The following EEF1AKMT2 variants were observed in gnomAD, a reference collection of about 807,000 sequenced individuals.
EEF1AKMT2 encodes eukaryotic translation elongation factor 1 alpha lysine methyltransferase 2.
In EEF1AKMT2, 32 loss-of-function variants were observed where a neutral mutation model predicts 35.8. That is an observed-to-expected ratio of 0.89 (90% confidence interval 0.67 to 1.20). EEF1AKMT2 has a LOEUF of 1.20. Ranked by LOEUF, EEF1AKMT2 falls within the 50% of genes most tolerant of loss-of-function variation. The probability of loss-of-function intolerance (pLI) is 0.00; values close to 1 mark genes in which losing one functional copy is unlikely to be tolerated. For missense variants in EEF1AKMT2, 330 were observed against 347.5 expected, an observed-to-expected ratio of 0.95 and a Z score of 0.40; for synonymous variants, 121 against 133.7, an observed-to-expected ratio of 0.91 and a Z score of 0.65.
intron 4 of EEF1AKMT2, among the ~76,000 whole-genome samples, chr10:124,767,829 T>C (rs896239079): frequency 1.3e-5 from 2 of 151,134 alleles, no homozygotes; most frequent in African/African-American, 4.9e-5. Flanking sequence ...CTACTAAAAA[T>C]ACAAAAATTA....
chr10:124,774,362 G>A (rs1482354274), intron 4 of EEF1AKMT2, among the ~76,000 whole-genome samples: 16 of 98,702 alleles, frequency 1.6e-4, no homozygotes, highest in East Asian at 3.5e-4. Flanking sequence ...GCAACTGAGC[G>A]AGACTCAGTC....
At position 124,760,267 on chromosome 10, in the gene EEF1AKMT2, C is replaced by A; in HGVS notation, c.*236G>T. Reference sequence around the variant, plus strand: ...CTTAGATGCTCATTATTATTATTTTCTTTCACCAATCCAGTATACTCTATT... The same window carrying A: ...CTTAGATGCTCATTATTATTATTTTATTTCACCAATCCAGTATACTCTATT... On this transcript the variant is annotated 3_prime_UTR_variant, in exon 7 of 7. Transcript: ENST00000368836. 1 of 454,746 alleles carries A rather than the reference C, an allele frequency of 2.2e-6. No homozygotes were observed. Among genetic ancestry groups the A allele is most frequent in the South Asian group, 6.8e-5 (1 of 14,678 alleles). 28.2% of individuals were successfully genotyped at this position (454,746 alleles called of 1,614,324 possible).
chr10:124,779,545 G>A (rs1342896795), intron 3 of EEF1AKMT2, among the ~76,000 whole-genome samples: 1 of 151,374 alleles, frequency 6.6e-6, no homozygotes, highest in East Asian at 2.0e-4. Flanking sequence ...AGGAGATCGA[G>A]ACCATCCTGG....
chr10:124,783,002 A>C (rs1242699788), intron 3 of EEF1AKMT2: 2 of 419,262 alleles, frequency 4.8e-6, no homozygotes, highest in Admixed American at 3.1e-5. Flanking sequence ...TATAATAATA[A>C]GGTAAGTTAA....
At chr10:124,768,535 G>A (rs544834172) in intron 4 of EEF1AKMT2, among the ~76,000 whole-genome samples, 40 of 152,118 alleles carry the variant, frequency 2.6e-4, no homozygotes, top group African/African-American at 8.0e-4. Flanking sequence ...ACCTTAGGTC[G>A]TGAGTTCAAG....
At position 124,764,881 on chromosome 10, in the gene EEF1AKMT2, C is replaced by T. The variant is rs533474004; in HGVS notation, c.616+511G>A. On this transcript the variant is annotated intron_variant, in intron 5 of 6. Transcript: ENST00000368836. ...TATATACCTTAAATAAAAGATTGTA[C>T]GACTCAAATAGAGAACTTAAGTTTT... is the stretch of plus-strand genomic sequence containing the variant. 9.9e-5 allele frequency among the ~76,000 whole-genome samples: 15 copies of T among 152,218 alleles called. No homozygotes were observed. In the South Asian group the frequency reaches 2.9e-3, roughly 29 times the overall value.
At chr10:124,771,244 C>T (rs1344015755) in intron 4 of EEF1AKMT2, among the ~76,000 whole-genome samples, 10 of 151,980 alleles carry the variant, frequency 6.6e-5, no homozygotes, top group Non-Finnish European at 1.5e-4. Context: ...AGACTACAGG[C>T]ACCTGCCACC....
chr10:124,772,319 G>C (rs1184225879), intron 4 of EEF1AKMT2, among the ~76,000 whole-genome samples: 1 of 151,606 alleles, frequency 6.6e-6, no homozygotes, highest in African/African-American at 2.4e-5. Context: ...CAGCTTCACT[G>C]GTTATTTCCT....
chr10:124,758,518 A>G lies in EEF1AKMT2; in HGVS notation c.*1985T>C, dbSNP rs973675722. 6 of 152,066 alleles carry G rather than the reference A, an allele frequency of 3.9e-5. No homozygotes were observed. The highest frequency in any genetic ancestry group is 1.3e-4 in the Admixed American group (2 of 15,276). The allele number at this position is 152,066 out of a possible 1,614,324, so 9.4% of individuals were successfully genotyped here. On this transcript the variant is annotated 3_prime_UTR_variant, in exon 7 of 7. Coordinates refer to ENST00000368836, the MANE Select transcript of EEF1AKMT2 (RefSeq NM_212554.4). Reference sequence around the variant, plus strand: ...AGCTCTATGGTTAAAAAAAAAAAAAAAAAGAAAACCTTCACCTTTGCAAAT... The same window carrying G: ...AGCTCTATGGTTAAAAAAAAAAAAAGAAAGAAAACCTTCACCTTTGCAAAT...
rs1186838349 is a variant in EEF1AKMT2 at position 124,760,429 on chromosome 10, A to G, written c.*74T>C. 1.4e-5 allele frequency: 23 copies of G among 1,612,096 alleles called. No individual in the cohort carries two copies. The highest frequency in any genetic ancestry group is 1.9e-5 in the Non-Finnish European group (22 of 1,178,476). On this transcript the variant is annotated 3_prime_UTR_variant, in exon 7 of 7. Coordinates refer to ENST00000368836, the MANE Select transcript of EEF1AKMT2 (RefSeq NM_212554.4). ...AAGTCTCACATTTTTTGGAAAACCA[A>G]TGCTGCTACACTGTTTCCAGATCTG...
At chr10:124,767,239 C>A (rs11245360) in intron 4 of EEF1AKMT2, among the ~76,000 whole-genome samples, 1 of 148,086 alleles carries the variant, frequency 6.8e-6, no homozygotes. Context: ...ATTGGCCGGG[C>A]GCAGTGGCTC....
chr10:124,756,442 C>T (rs1479359868), downstream of EEF1AKMT2, among the ~76,000 whole-genome samples: 1 of 152,156 alleles, frequency 6.6e-6, no homozygotes, highest in South Asian at 2.1e-4. Context: ...GATATTGATA[C>T]ATTCATGTCT....
rs201695137 is a variant in EEF1AKMT2, at chr10:124,782,474, C to T, written c.291+6569G>A. On this transcript the variant is annotated intron_variant, in intron 3 of 6. Coordinates refer to ENST00000368836, the MANE Select transcript of EEF1AKMT2 (RefSeq NM_212554.4). Reference sequence around the variant, plus strand: ...GCGGGCGCCTGTAGTCCCAGCTACTCGGGAGGCTGAGGCAGGAGAATGGCG... The same window carrying T: ...GCGGGCGCCTGTAGTCCCAGCTACTTGGGAGGCTGAGGCAGGAGAATGGCG... Among the ~76,000 whole-genome samples the T allele has an allele frequency of 1.9e-3, 283 of 147,904 alleles. 3 individuals are homozygous for T. In the East Asian group the frequency reaches 0.042, roughly 22 times the overall value.
At chr10:124,769,155 C>T (rs1198990981) in intron 4 of EEF1AKMT2, among the ~76,000 whole-genome samples, 2 of 141,000 alleles carry the variant, frequency 1.4e-5, no homozygotes, top group Admixed American at 1.5e-4. Flanking sequence ...GAGATTGAGG[C>T]TGCAATGAGC....
chr10:124,767,942 C>T (rs914090597), intron 4 of EEF1AKMT2, among the ~76,000 whole-genome samples: 3 of 152,158 alleles, frequency 2.0e-5, no homozygotes, highest in East Asian at 1.9e-4. Context: ...GCCGAGATCA[C>T]GCCATTGCAC....
At chr10:124,772,580 C>A (rs1262515876) in intron 4 of EEF1AKMT2, among the ~76,000 whole-genome samples, 1 of 152,022 alleles carries the variant, frequency 6.6e-6, no homozygotes, top group Non-Finnish European at 1.5e-5. Context: ...AGACACCCAC[C>A]ACCATGCCCA....
intron 4 of EEF1AKMT2, among the ~76,000 whole-genome samples, chr10:124,771,705 T>C (rs1174883618): frequency 1.3e-5 from 2 of 151,818 alleles, no homozygotes; most frequent in Non-Finnish European, 2.9e-5. Flanking sequence ...CCATCTCTAC[T>C]AAAAATACAA....
intron 5 of EEF1AKMT2, 147 bp from the exon 6 acceptor site, chr10:124,762,705 G>A (rs1055520962): frequency 2.7e-6 from 1 of 372,918 alleles, no homozygotes; most frequent in African/African-American, 2.2e-5. Context: ...ATATTATAAT[G>A]CTTATTAAAA....
intron 1 of EEF1AKMT2, 79 bp downstream of exon 1, chr10:124,791,645 G>A (rs1170172231): frequency 1.3e-6 from 2 of 1,530,020 alleles, no homozygotes; most frequent in African/African-American, 2.8e-5. Context: ...TGAGCCCCGG[G>A]TCTCCACCCC....
Sources: allele counts gnomAD v4.1 joint callset (sites outside exome capture counted in the v4.1 genomes callset), GRCh38; gene constraint gnomAD v4.1.1; transcripts MANE v1.5; gene names NCBI Gene and HGNC (gene_info 2026-07-23, HGNC 2026-07-21).